Variants in EML6 observed in about 807,000 individuals in gnomAD.
EML6 encodes EMAP like 6.
Under a neutral mutation model 240.1 loss-of-function variants are expected in EML6, and 154 were observed. The observed-to-expected ratio is 0.64, with a 90% CI of 0.56 to 0.73. The LOEUF (loss-of-function observed/expected upper bound fraction) is 0.73. Ranked by LOEUF, EML6 falls within the 30% of genes least tolerant of loss-of-function variation. EML6 has a pLI of 0.00. For synonymous variants in EML6, 1,148 were observed against 899.0 expected, an observed-to-expected ratio of 1.28 and a Z score of -4.95; for missense variants, 2,964 against 2,474.6, an observed-to-expected ratio of 1.20 and a Z score of -4.20.
chr2:54,926,221 C>G (rs1470586229), intron 26 of EML6, among the ~76,000 whole-genome samples: 1 of 152,224 alleles, frequency 6.6e-6, no homozygotes, highest in Non-Finnish European at 1.5e-5. Context: ...CCTGCCTCAG[C>G]CTCCCAAGTA....
chr2:54,794,647 T>C (rs1669655677), intron 2 of EML6, among the ~76,000 whole-genome samples: 1 of 152,168 alleles, frequency 6.6e-6, no homozygotes, highest in Non-Finnish European at 1.5e-5. Flanking sequence ...ATAATGCCCC[T>C]TTTTCCTTTC....
intron 22 of EML6, among the ~76,000 whole-genome samples, chr2:54,902,259 C>A (rs1673096855): frequency 6.6e-6 from 1 of 152,224 alleles, no homozygotes; most frequent in South Asian, 2.1e-4. Flanking sequence ...TAACCCTATA[C>A]TCCTTTTCTC....
chr2:54,761,397 C>A (rs1680270448), intron 2 of EML6, among the ~76,000 whole-genome samples: 1 of 151,960 alleles, frequency 6.6e-6, no homozygotes, highest in Non-Finnish European at 1.5e-5. Context: ...AAAGCTTAGT[C>A]CTTCAGTGTT....
intron 28 of EML6, among the ~76,000 whole-genome samples, chr2:54,944,266 CT>C (rs1675572277): frequency 1.3e-5 from 2 of 151,560 alleles, no homozygotes; most frequent in South Asian, 4.2e-4. Context: ...AACTCATCAT[CT>C]TCCCTCATTG....
At chr2:54,924,518 A>G (rs1054844128) in intron 26 of EML6, among the ~76,000 whole-genome samples, 1 of 152,226 alleles carries the variant, frequency 6.6e-6, no homozygotes, top group African/African-American at 2.4e-5. Flanking sequence ...TACTAGCCAA[A>G]TATGAATTAT....
intron 8 of EML6, 87 bp downstream of exon 8, chr2:54,844,335 A>C: frequency 2.0e-6 from 2 of 1,018,148 alleles, no homozygotes; most frequent in Non-Finnish European, 3.0e-6. Flanking sequence ...GATAAAGTGC[A>C]GAACAGAACC....
At chr2:54,917,214 G>A (rs976484661) in intron 26 of EML6, among the ~76,000 whole-genome samples, 1 of 152,120 alleles carries the variant, frequency 6.6e-6, no homozygotes, top group Non-Finnish European at 1.5e-5. Flanking sequence ...TCACAGACCA[G>A]TGCCTTTCTA....
chr2:54,803,523 G>A (rs570557584), intron 2 of EML6, among the ~76,000 whole-genome samples: 1 of 152,176 alleles, frequency 6.6e-6, no homozygotes, highest in African/African-American at 2.4e-5. Flanking sequence ...TTAAGCCTTT[G>A]CCTTAGGTAC....
In EML6 at chr2:54,954,028, C is replaced by G. The variant is rs1288994803; in HGVS notation, c.4358C>G (p.Thr1453Ser). The G allele has an allele frequency of 6.4e-7, 1 of 1,552,028 alleles. No homozygotes were observed. Among genetic ancestry groups the G allele is most frequent in the South Asian group, 1.2e-5 (1 of 83,986 alleles). Residue 1453 changes from threonine (T) to serine (S), a missense_variant, in exon 32 of 42, where the codon ACC (threonine) becomes AGC (serine). Coordinates refer to ENST00000356458, the MANE Select transcript of EML6 (RefSeq NM_001039753.4). ...IHIWDAMTKHTLSMLRCFHSK... is the reference protein window; with the variant it reads ...IHIWDAMTKHSLSMLRCFHSK... ...ATATGGGACGCCATGACCAAACACACCCTCTCCATGCTGCGGTGCTTCCAC... is the reference window on the plus strand; with the variant it reads ...ATATGGGACGCCATGACCAAACACAGCCTCTCCATGCTGCGGTGCTTCCAC...
chr2:54,934,612 T>C (rs1005142891), intron 28 of EML6, among the ~76,000 whole-genome samples: 5 of 152,154 alleles, frequency 3.3e-5, no homozygotes, highest in African/African-American at 1.2e-4. Context: ...TATGGTGGCA[T>C]GATCCTGGCT....
chr2:54,769,601 G>C (rs369202135), intron 2 of EML6, among the ~76,000 whole-genome samples: 11 of 152,208 alleles, frequency 7.2e-5, no homozygotes, highest in African/African-American at 2.4e-4. Context: ...CATTCAAAAA[G>C]CTGTATGTAT....
chr2:54,927,167 G>C (rs566863743), intron 26 of EML6, among the ~76,000 whole-genome samples: 1 of 152,294 alleles, frequency 6.6e-6, no homozygotes, highest in East Asian at 1.9e-4. Flanking sequence ...AATCCTACCT[G>C]CCTGTTTGCT....
At chr2:54,875,251 T>G (rs2103947349) in intron 16 of EML6, among the ~76,000 whole-genome samples, 1 of 152,286 alleles carries the variant, frequency 6.6e-6, no homozygotes, top group South Asian at 2.1e-4. Flanking sequence ...TTACCTGAAG[T>G]ATGAACAAGG....
chr2:54,783,713 G>A (rs1668952811), intron 2 of EML6, among the ~76,000 whole-genome samples: 1 of 152,064 alleles, frequency 6.6e-6, no homozygotes, highest in Non-Finnish European at 1.5e-5. Flanking sequence ...GAGAAGACAA[G>A]ATTTTTAAAA....
At chr2:54,874,796 A>G (rs954622146) in intron 16 of EML6, among the ~76,000 whole-genome samples, 1 of 152,166 alleles carries the variant, frequency 6.6e-6, no homozygotes, top group Admixed American at 6.5e-5. Flanking sequence ...TTGATAGTCT[A>G]TGTTTTAATA....
chr2:54,811,824 T>A (rs879311148), intron 2 of EML6, among the ~76,000 whole-genome samples: 7 of 152,228 alleles, frequency 4.6e-5, no homozygotes, highest in Non-Finnish European at 1.0e-4. Context: ...TCCTTTCTTA[T>A]TGATAATCTC....
rs1280210818 is a variant in EML6, at chr2:54,817,012, A to G, written c.456+127A>G. The stretch of plus-strand genomic sequence containing the variant: ...ATACATTTTTTCCTATTAAACTTAT[A>G]ATCATCCTCTTTTTTCATGATTAAT... On this transcript the variant is annotated intron_variant, in intron 4 of 41. Transcript: ENST00000356458. 5 of 613,346 alleles carry G rather than the reference A, an allele frequency of 8.2e-6. No individual in the cohort carries two copies. In the African/African-American group the frequency reaches 9.2e-5, roughly 11 times the overall value. The allele number at this position is 613,346 out of a possible 1,614,324, so 38.0% of individuals were successfully genotyped here. A position where few individuals can be genotyped will look rare whatever the true frequency, so the allele number is the denominator to read the frequency against.
intron 2 of EML6, among the ~76,000 whole-genome samples, chr2:54,740,178 G>C (rs1468473676): frequency 2.0e-5 from 3 of 152,166 alleles, no homozygotes; most frequent in African/African-American, 4.8e-5. Context: ...AGAGCTGTGA[G>C]AGTTTCAGTG....
chr2:54,942,158 A>T (rs1675463525), intron 28 of EML6, among the ~76,000 whole-genome samples: 1 of 152,216 alleles, frequency 6.6e-6, no homozygotes, highest in Non-Finnish European at 1.5e-5. Context: ...CCTGCTGTTC[A>T]TTATAGAATA....
Sources: allele counts gnomAD v4.1 joint callset (sites outside exome capture counted in the v4.1 genomes callset), GRCh38; gene constraint gnomAD v4.1.1; transcripts MANE v1.5; gene names NCBI Gene and HGNC (gene_info 2026-07-23, HGNC 2026-07-21).